ATP2C1: variants seen among roughly 807,000 people sequenced by gnomAD.
The protein encoded by ATP2C1 is calcium-transporting ATPase type 2C member 1.
Under a neutral mutation model 120.5 loss-of-function variants are expected in ATP2C1, and 31 were observed. The observed-to-expected ratio is 0.26, with a 90% CI of 0.19 to 0.35. The LOEUF is 0.35. Ranked by LOEUF, ATP2C1 falls within the 10% of genes least tolerant of loss-of-function variation. The probability of loss-of-function intolerance (pLI) is 1.00; values close to 1 mark genes in which losing one functional copy is unlikely to be tolerated. For synonymous variants in ATP2C1, 351 were observed against 358.7 expected (o/e 0.98, Z 0.24); for missense variants, 731 against 1,107.5 (o/e 0.66, Z 4.83).
chr3:130,953,351 T>C (rs2060449773), intron 8 of ATP2C1, among the ~76,000 whole-genome samples: 1 of 152,200 alleles, frequency 6.6e-6, no homozygotes, highest in South Asian at 2.1e-4. Context: ...AATGATTTTA[T>C]GAAAATTGAT....
rs777319490 is a variant in ATP2C1 at position 130,894,795 on chromosome 3, C to T, written c.6+20C>T. 6.2e-7 allele frequency: 1 copy of T among 1,610,094 alleles called. No homozygotes were observed. ...ATGAAGGTAAAGGCCCCTGGCCGAC[C>T]GGTTGCAACGCGGAGTTGAGGGTGT... is the stretch of plus-strand genomic sequence containing the variant. On this transcript the variant is annotated intron_variant, in intron 2 of 27. Coordinates refer to ENST00000510168, the MANE Select transcript of ATP2C1 (RefSeq NM_001378687.1). This position sits in a 1 kb window ranked among gnomAD's most constrained non-coding sequence, Gnocchi z 4.5.
chr3:130,949,675 G>T (rs1468737323), intron 8 of ATP2C1, among the ~76,000 whole-genome samples: 2 of 152,118 alleles, frequency 1.3e-5, no homozygotes, highest in African/African-American at 2.4e-5. Context: ...AGCAATTTAT[G>T]TAAGCATCTA....
rs572675407 is a variant in ATP2C1 at position 130,963,464 on chromosome 3, A to G, written c.900-507A>G. 3.1e-5 allele frequency: 5 copies of G among 161,252 alleles called. No homozygotes were observed. In the South Asian group the frequency reaches 8.5e-4, roughly 27 times the overall value. 10.0% of individuals were successfully genotyped at this position (161,252 alleles called of 1,614,324 possible). A position where few individuals can be genotyped will look rare whatever the true frequency, so the allele number is the denominator to read the frequency against. ...AGCATAATGTTTTCAAGGTTTATTCATGTTGTAGCATGTGTTAGTACTTCA... is the reference window on the plus strand; with the variant it reads ...AGCATAATGTTTTCAAGGTTTATTCGTGTTGTAGCATGTGTTAGTACTTCA... On this transcript the variant is annotated intron_variant, in intron 12 of 27. Transcript: ENST00000510168.
intron 20 of ATP2C1, among the ~76,000 whole-genome samples, chr3:130,982,091 C>T (rs973657708): frequency 1.3e-5 from 2 of 152,124 alleles, no homozygotes; most frequent in African/African-American, 4.8e-5. Flanking sequence ...AACTCCCTGC[C>T]TAACCCAGGT....
Position 130,959,335 on chromosome 3 carries a change from G to A in ATP2C1, c.893G>A (p.Ser298Asn). Residue 298 changes from serine to asparagine, a missense_variant, in exon 12 of 28, where the codon AGT becomes AAT. Around this residue, in one of 3 missense-constraint regions of ATP2C1, gnomAD observed 571 missense variants for 845.9 expected, o/e 0.67. Transcript: ENST00000510168. ...GKDILEMFTISVSLAVAAIPE... is the reference protein window; with the variant it reads ...GKDILEMFTINVSLAVAAIPE... ...GATATCCTGGAAATGTTTACTATTA[G>A]TGTAAGGTAAGTCTCAATACTTTAT... 1 of 1,603,428 alleles carries A rather than the reference G, an allele frequency of 6.2e-7. No homozygotes were observed. The highest frequency in any genetic ancestry group is 8.5e-7 in the Non-Finnish European group (1 of 1,171,042).
intron 26 of ATP2C1, among the ~76,000 whole-genome samples, chr3:131,012,034 C>G (rs2109032807): frequency 6.6e-6 from 1 of 152,206 alleles, no homozygotes; most frequent in East Asian, 1.9e-4. Flanking sequence ...TCCTGAGTGC[C>G]ATGGTTAGAG....
chr3:130,879,108 T>G (rs1037092297), intron 1 of ATP2C1, among the ~76,000 whole-genome samples: 2 of 152,162 alleles, frequency 1.3e-5, no homozygotes, highest in African/African-American at 2.4e-5. Context: ...CCAGGCTGGA[T>G]GCAATGGCAC....
intron 1 of ATP2C1, among the ~76,000 whole-genome samples, chr3:130,878,511 A>G (rs1449213088): frequency 1.3e-5 from 2 of 151,916 alleles, no homozygotes; most frequent in African/African-American, 2.4e-5. Flanking sequence ...TGTTTTCTTG[A>G]TGGTAAATAT....
intron 20 of ATP2C1, among the ~76,000 whole-genome samples, chr3:130,986,918 GTTTAGTTAGT>G (rs1165641450): frequency 0.014 from 86 of 5,966 alleles, no homozygotes; most frequent in Non-Finnish European, 7.8e-3. Flanking sequence ...GTTTAGTTTA[GTTTAGTTAGT>G]TTAGTTTAGT....
chr3:130,990,941 T>C (rs575914282), intron 20 of ATP2C1, among the ~76,000 whole-genome samples: 5 of 152,196 alleles, frequency 3.3e-5, no homozygotes, highest in African/African-American at 1.2e-4. Flanking sequence ...TAAGAGGAAA[T>C]GTGAAGTAGG....
chr3:130,987,265 T>C (rs2062064790), intron 20 of ATP2C1, among the ~76,000 whole-genome samples: 1 of 152,034 alleles, frequency 6.6e-6, no homozygotes, highest in African/African-American at 2.4e-5. Flanking sequence ...CCCAAAGTGC[T>C]GGGGTTATAG....
intron 1 of ATP2C1, among the ~76,000 whole-genome samples, chr3:130,883,267 C>CA (rs1022877965): frequency 6.6e-6 from 1 of 151,724 alleles, no homozygotes; most frequent in Admixed American, 6.6e-5. Context: ...AATGGTTTGT[C>CA]AGTTTTGTTC....
At chr3:130,983,107 TAGAG>T (rs796127327) in intron 20 of ATP2C1, among the ~76,000 whole-genome samples, 1 of 151,772 alleles carries the variant, frequency 6.6e-6, no homozygotes, top group South Asian at 2.1e-4. Context: ...TATATATATA[TAGAG>T]AGAGAGAGTT....
At chr3:130,909,521 C>G (rs2058291973) in intron 2 of ATP2C1, among the ~76,000 whole-genome samples, 2 of 152,130 alleles carry the variant, frequency 1.3e-5, no homozygotes, top group African/African-American at 4.8e-5. Flanking sequence ...ATCTTAAGAC[C>G]TCATTTCCAG....
At chr3:130,958,041 T>C (rs2060657411) in intron 11 of ATP2C1, among the ~76,000 whole-genome samples, 1 of 152,312 alleles carries the variant, frequency 6.6e-6, no homozygotes, top group East Asian at 1.9e-4. Flanking sequence ...TTATAGTGAA[T>C]TTGATAGATC....
chr3:130,961,867 T>C (rs190103262), intron 12 of ATP2C1, among the ~76,000 whole-genome samples: 20 of 152,140 alleles, frequency 1.3e-4, no homozygotes, highest in Admixed American at 5.9e-4. Context: ...CGTAATGATG[T>C]GGGTGAAATT....
At chr3:130,860,629 C>G (rs182606016) in intron 1 of ATP2C1, among the ~76,000 whole-genome samples, 1 of 152,302 alleles carries the variant, frequency 6.6e-6, no homozygotes, top group East Asian at 1.9e-4. Context: ...CTACATAGCT[C>G]ATAAATGATG....
chr3:130,881,487 T>G (rs937180916), intron 1 of ATP2C1, among the ~76,000 whole-genome samples: 3 of 151,984 alleles, frequency 2.0e-5, no homozygotes, highest in Non-Finnish European at 4.4e-5. Flanking sequence ...GCCTCCCAAG[T>G]TGCTGGGACC....
intron 11 of ATP2C1, among the ~76,000 whole-genome samples, chr3:130,957,713 A>G (rs2060641101): frequency 6.6e-6 from 1 of 151,874 alleles, no homozygotes; most frequent in Non-Finnish European, 1.5e-5. Flanking sequence ...ACACCTGGCT[A>G]ATTTTTTTAT....
Sources: allele counts gnomAD v4.1 joint callset (sites outside exome capture counted in the v4.1 genomes callset), GRCh38; gene constraint gnomAD v4.1.1; regional missense constraint gnomAD v4.1.1; non-coding constraint Gnocchi (gnomAD v3.1); transcripts MANE v1.5; gene names NCBI Gene and HGNC (gene_info 2026-07-23, HGNC 2026-07-21).